Variants in NTRK2 observed in about 807,000 individuals in gnomAD.
NTRK2 encodes the protein BDNF/NT-3 growth factors receptor.
Under a neutral mutation model 94.5 loss-of-function variants are expected in NTRK2, and 13 were observed. That is an observed-to-expected ratio of 0.14 (90% CI 0.09 to 0.22). The LOEUF is 0.22. Ranked by LOEUF, NTRK2 falls within the 10% of genes least tolerant of loss-of-function variation. NTRK2 has a pLI of 1.00. For synonymous variants in NTRK2, 372 were observed against 407.4 expected (o/e 0.91, Z 1.05); for missense variants, 639 against 1,071.2 (o/e 0.60, Z 5.63).
At position 84,815,942 on chromosome 9, in the gene NTRK2, T is replaced by A. The variant is rs112581864; in HGVS notation, c.1397-45098T>A. Among the ~76,000 whole-genome samples the A allele has an allele frequency of 2.3e-3, 349 of 151,992 alleles. 2 individuals carry two copies. Among genetic ancestry groups the A allele is most frequent in the African/African-American group, 7.9e-3 (326 of 41,422 alleles). On this transcript the variant is annotated intron_variant, in intron 12 of 18. Transcript: ENST00000277120. Reference sequence around the variant, plus strand: ...CAGTATGAATTGTCCATTCATTGTTTACTGATTCTTGCATCAGAAATATTT... The same window carrying A: ...CAGTATGAATTGTCCATTCATTGTTAACTGATTCTTGCATCAGAAATATTT...
chr9:84,873,542 C>A (rs2075952888), intron 14 of NTRK2: 1 of 1,056,144 alleles, frequency 9.5e-7, no homozygotes, highest in Non-Finnish European at 1.1e-6. Context: ...ATATCATATT[C>A]CCTTTTCAAC....
At chr9:85,005,115 C>T (rs962499858) in intron 17 of NTRK2, among the ~76,000 whole-genome samples, 6 of 152,170 alleles carry the variant, frequency 3.9e-5, no homozygotes, top group Non-Finnish European at 8.8e-5. Context: ...TTCCTAGAAC[C>T]TGTTACTTCA....
At chr9:85,011,326 G>A (rs1200168757) in intron 17 of NTRK2, among the ~76,000 whole-genome samples, 1 of 152,146 alleles carries the variant, frequency 6.6e-6, no homozygotes, top group East Asian at 1.9e-4. Context: ...CCCCTGAACT[G>A]TGCCAGAATC....
chr9:84,989,390 G>A (rs1014411306), intron 17 of NTRK2, among the ~76,000 whole-genome samples: 1 of 151,752 alleles, frequency 6.6e-6, no homozygotes, highest in African/African-American at 2.4e-5. Context: ...TGTCTATTTT[G>A]TTCCAGGTAT....
chr9:84,791,800 G>C (rs2068763914), intron 12 of NTRK2, among the ~76,000 whole-genome samples: 1 of 152,142 alleles, frequency 6.6e-6, no homozygotes, highest in African/African-American at 2.4e-5. Flanking sequence ...AATGATCTCT[G>C]AATTTGAAAG....
chr9:84,919,243 G>A (rs1443445), intron 14 of NTRK2, among the ~76,000 whole-genome samples: 122,454 of 152,124 alleles, frequency 0.8, 49,431 homozygotes, highest in African/African-American at 0.84. Flanking sequence ...AAGCCTTTCC[G>A]ATAGTTACCA....
intron 12 of NTRK2, among the ~76,000 whole-genome samples, chr9:84,858,430 C>T (rs12335880): frequency 0.012 from 1,756 of 151,878 alleles, 38 homozygotes; most frequent in African/African-American, 0.04. Flanking sequence ...TCCCATTTCC[C>T]TCCCCCAACC....
At chr9:84,767,592 C>T (rs945207612) in intron 12 of NTRK2, among the ~76,000 whole-genome samples, 6 of 152,178 alleles carry the variant, frequency 3.9e-5, no homozygotes, top group Non-Finnish European at 5.9e-5. Context: ...TTCTGTCTCA[C>T]ACATTTAGCC....
intron 12 of NTRK2, among the ~76,000 whole-genome samples, chr9:84,844,511 T>A (rs1564379738): frequency 6.6e-6 from 1 of 152,116 alleles, no homozygotes; most frequent in Admixed American, 6.5e-5. Flanking sequence ...CTTTCATAAA[T>A]CTGTGGTCTT....
chr9:84,846,400 T>C (rs1208711120), intron 12 of NTRK2, among the ~76,000 whole-genome samples: 1 of 152,208 alleles, frequency 6.6e-6, no homozygotes, highest in Non-Finnish European at 1.5e-5. Flanking sequence ...AAGTGGAAAT[T>C]TAATTTTAAG....
chr9:84,772,898 A>T (rs2066692518), intron 12 of NTRK2, among the ~76,000 whole-genome samples: 1 of 152,200 alleles, frequency 6.6e-6, no homozygotes, highest in South Asian at 2.1e-4. Context: ...GAGACAGACA[A>T]GGGTCAAGGT....
intron 4 of NTRK2, among the ~76,000 whole-genome samples, chr9:84,706,520 TGTTTTTG>T (rs2061082372): frequency 1.9e-4 from 21 of 109,366 alleles, no homozygotes; most frequent in African/African-American, 4.7e-4. Context: ...TGTTATTTTT[TGTTTTTG>T]TTTTTTTTTT....
At chr9:84,751,151 G>C (rs1019742934) in intron 11 of NTRK2, among the ~76,000 whole-genome samples, 2 of 152,188 alleles carry the variant, frequency 1.3e-5, no homozygotes, top group Non-Finnish European at 1.5e-5. Context: ...GCCACTCACT[G>C]TTCCCAGGGT....
chr9:84,677,833 C>T (rs1439943146), intron 2 of NTRK2, among the ~76,000 whole-genome samples: 3 of 152,150 alleles, frequency 2.0e-5, no homozygotes, highest in East Asian at 3.9e-4. Flanking sequence ...ATCCTCTTCT[C>T]CTGTTCAGCT....
chr9:84,718,305 T>C (rs1409645878), intron 6 of NTRK2, among the ~76,000 whole-genome samples: 1 of 152,172 alleles, frequency 6.6e-6, no homozygotes, highest in East Asian at 1.9e-4. Flanking sequence ...ATGCAAATTC[T>C]TAAGCCCCAA....
At chr9:84,940,139 CA>C (rs1270268521) in intron 15 of NTRK2, among the ~76,000 whole-genome samples, 2 of 152,160 alleles carry the variant, frequency 1.3e-5, no homozygotes, top group Non-Finnish European at 2.9e-5. Context: ...CCACTCTACC[CA>C]ACCCAAATGG....
At chr9:84,702,454 C>A in intron 4 of NTRK2, 35 bp downstream of exon 4, 1 of 1,545,838 alleles carries the variant, frequency 6.5e-7, no homozygotes, top group African/African-American at 1.4e-5. Context: ...TTCCCAGGAC[C>A]CATTTTATTC....
intron 17 of NTRK2, among the ~76,000 whole-genome samples, chr9:84,981,329 T>C (rs560402905): frequency 4.0e-5 from 6 of 151,860 alleles, no homozygotes; most frequent in African/African-American, 1.4e-4. Flanking sequence ...CTTGAACTCC[T>C]GACCTCAAGT....
At chr9:84,932,707 T>C (rs2078080580) in intron 14 of NTRK2, among the ~76,000 whole-genome samples, 1 of 152,170 alleles carries the variant, frequency 6.6e-6, no homozygotes, top group Non-Finnish European at 1.5e-5. Flanking sequence ...AATTGTGGGA[T>C]ACATCAGAAT....
Sources: allele counts gnomAD v4.1 joint callset (sites outside exome capture counted in the v4.1 genomes callset), GRCh38; gene constraint gnomAD v4.1.1; transcripts MANE v1.5; gene names NCBI Gene and HGNC (gene_info 2026-07-23, HGNC 2026-07-21).